The following LNX1 variants were observed in gnomAD, a reference collection of about 807,000 sequenced individuals.
LNX1 encodes the protein E3 ubiquitin-protein ligase LNX.
LNX1 carries 54 observed loss-of-function variants against 68.4 expected under a neutral mutation model. The ratio of observed to expected loss-of-function variants is 0.79; its 90% confidence interval spans 0.63 to 0.99. The LOEUF (loss-of-function observed/expected upper bound fraction) is 0.99. Among genes scored for constraint, LNX1 ranks in the 50% least tolerant of loss-of-function variants. The pLI, the probability that LNX1 is intolerant of heterozygous loss-of-function variation, is 0.00. For synonymous variants in LNX1, 336 were observed against 350.0 expected, an observed-to-expected ratio of 0.96 and a Z score of 0.45; for missense variants, 906 against 926.4, an observed-to-expected ratio of 0.98 and a Z score of 0.29.
intron 2 of LNX1, among the ~76,000 whole-genome samples, chr4:53,550,825 T>C (rs1357046792): frequency 2.6e-5 from 4 of 152,170 alleles, no homozygotes; most frequent in Non-Finnish European, 5.9e-5. Flanking sequence ...AAGGGTGGTC[T>C]TGCCACACAG....
At chr4:53,508,474 C>T in intron 2 of LNX1, 1 of 470,592 alleles carries the variant, frequency 2.1e-6, no homozygotes, top group Non-Finnish European at 3.8e-6. Context: ...GCAATCTCTA[C>T]ATTGGCTGCT....
At chr4:53,558,202 G>A (rs1214852144) in intron 2 of LNX1, 23 of 1,305,850 alleles carry the variant, frequency 1.8e-5, no homozygotes, top group Non-Finnish European at 2.1e-5. Context: ...CACGGTTGGC[G>A]AGAGAGCTTA....
At chr4:53,494,114 T>C (rs1449469831) in intron 6 of LNX1, among the ~76,000 whole-genome samples, 1 of 152,198 alleles carries the variant, frequency 6.6e-6, no homozygotes, top group Non-Finnish European at 1.5e-5. Flanking sequence ...GTAGCTCCCA[T>C]CATTCCCATG....
At chr4:53,568,679 A>G (rs1467612695) in intron 2 of LNX1, among the ~76,000 whole-genome samples, 1 of 151,588 alleles carries the variant, frequency 6.6e-6, no homozygotes, top group African/African-American at 2.4e-5. Flanking sequence ...AGGCAGGAGA[A>G]GGAAATAAAG....
chr4:53,517,835 A>G (rs1253090572), intron 2 of LNX1, among the ~76,000 whole-genome samples: 3 of 152,200 alleles, frequency 2.0e-5, no homozygotes, highest in African/African-American at 7.2e-5. Flanking sequence ...ATCAGTTGAG[A>G]AGTAAAAGAG....
At chr4:53,529,737 T>C (rs1727887031) in intron 2 of LNX1, among the ~76,000 whole-genome samples, 1 of 152,154 alleles carries the variant, frequency 6.6e-6, no homozygotes, top group South Asian at 2.1e-4. Context: ...AAAGAACTTA[T>C]TACACAGTGC....
chr4:53,610,347 T>C (rs1368897448), intron 2 of LNX1, among the ~76,000 whole-genome samples: 2 of 152,148 alleles, frequency 1.3e-5, no homozygotes, highest in Non-Finnish European at 2.9e-5. Flanking sequence ...TTATTGACCA[T>C]CTTAAAAGCC....
At chr4:53,518,607 G>A (rs1287032463) in intron 2 of LNX1, among the ~76,000 whole-genome samples, 5 of 152,138 alleles carry the variant, frequency 3.3e-5, no homozygotes, top group Admixed American at 1.3e-4. Context: ...TCCCTATGAG[G>A]AGGGTCCTAT....
chr4:53,622,307 C>T (rs1733911467), upstream of LNX1, among the ~76,000 whole-genome samples: 1 of 152,010 alleles, frequency 6.6e-6, no homozygotes, highest in South Asian at 2.1e-4. Context: ...TTTAGAAAAC[C>T]TATTGACTTT....
upstream of LNX1, chr4:53,591,544 T>A (rs189324916): frequency 3.0e-6 from 3 of 985,374 alleles, no homozygotes; most frequent in East Asian, 3.4e-4. Context: ...CATTGGTCGC[T>A]CCAGACCAGG....
chr4:53,595,361 G>C (rs1359645385), upstream of LNX1, among the ~76,000 whole-genome samples: 1 of 152,152 alleles, frequency 6.6e-6, no homozygotes. Context: ...GAACCTCAAG[G>C]GCTAACTGCT....
intron 1 of LNX1, among the ~76,000 whole-genome samples, chr4:53,581,018 A>C (rs1426605869): frequency 6.6e-6 from 1 of 152,224 alleles, no homozygotes; most frequent in African/African-American, 2.4e-5. Context: ...AAACAGTGAC[A>C]GGCCACAAGC....
At chr4:53,610,023 C>T (rs187565593) in intron 2 of LNX1, among the ~76,000 whole-genome samples, 17 of 151,782 alleles carry the variant, frequency 1.1e-4, no homozygotes. Context: ...TGAAAATGGA[C>T]ATTTTCTCTA....
intron 2 of LNX1, among the ~76,000 whole-genome samples, chr4:53,520,053 C>G (rs1452621095): frequency 3.9e-5 from 6 of 152,210 alleles, no homozygotes; most frequent in Non-Finnish European, 8.8e-5. Context: ...TGTGGATGTT[C>G]TGTCCCCACG....
At chr4:53,520,982 A>C (rs1470568740) in intron 2 of LNX1, among the ~76,000 whole-genome samples, 1 of 152,172 alleles carries the variant, frequency 6.6e-6, no homozygotes, top group Non-Finnish European at 1.5e-5. Flanking sequence ...AAAAACCCCA[A>C]ATTATTCTAT....
intron 2 of LNX1, among the ~76,000 whole-genome samples, chr4:53,614,992 C>T (rs1420912211): frequency 3.3e-5 from 5 of 150,282 alleles, no homozygotes; most frequent in African/African-American, 7.4e-5. Flanking sequence ...CTTTGAACAC[C>T]GAGAATGAGA....
chr4:53,496,640 G>GC (rs3215224), intron 5 of LNX1: 54,078 of 418,666 alleles, frequency 0.13, 3,914 homozygotes, highest in Non-Finnish European at 0.14. Context: ...TCTTACCCAA[G>GC]CCCACATATT....
intron 2 of LNX1, among the ~76,000 whole-genome samples, chr4:53,557,171 T>G (rs1264208318): frequency 1.3e-5 from 2 of 152,188 alleles, no homozygotes; most frequent in African/African-American, 4.8e-5. Flanking sequence ...AAAATGGACA[T>G]GTGTCATGTA....
At chr4:53,550,057 G>A (rs1305028558) in intron 2 of LNX1, among the ~76,000 whole-genome samples, 2 of 152,106 alleles carry the variant, frequency 1.3e-5, no homozygotes, top group Non-Finnish European at 2.9e-5. Context: ...AAAAGAATTT[G>A]CTAATTCTCA....
Sources: gnomAD v4.1 joint callset for allele counts (sites outside exome capture counted in the v4.1 genomes callset) on GRCh38, gnomAD v4.1.1 for gene constraint, MANE v1.5 for transcripts, NCBI Gene and HGNC (gene_info 2026-07-23, HGNC 2026-07-21) for gene names.